Variants in RARB observed in about 807,000 individuals in gnomAD.
RARB encodes HBV-activated protein.
Under a neutral mutation model 51.9 loss-of-function variants are expected in RARB, and 17 were observed. The observed-to-expected ratio is 0.33, with a 90% CI of 0.22 to 0.49. RARB has a LOEUF of 0.49. Ranked by LOEUF, RARB falls within the 20% of genes least tolerant of loss-of-function variation. The pLI is 0.99. For missense variants in RARB, 369 were observed against 550.8 expected (o/e 0.67, Z 3.30); for synonymous variants, 215 against 195.4 (o/e 1.10, Z -0.84).
intron 2 of RARB, among the ~76,000 whole-genome samples, chr3:25,469,648 A>T (rs922509584): frequency 2.6e-4 from 39 of 152,226 alleles, no homozygotes; most frequent in African/African-American, 8.9e-4. Context: ...ATGTTTCCTC[A>T]TTCATTCATC....
At chr3:25,505,740 A>G (rs1014447042) in intron 3 of RARB, among the ~76,000 whole-genome samples, 2 of 152,166 alleles carry the variant, frequency 1.3e-5, no homozygotes, top group Non-Finnish European at 2.9e-5. Context: ...TTGGAGAAGG[A>G]GGCAAAGGAA....
chr3:24,949,352 C>T (rs1287256128), intron 2 of RARB, among the ~76,000 whole-genome samples: 1 of 152,274 alleles, frequency 6.6e-6, no homozygotes, highest in South Asian at 2.1e-4. Context: ...TATAATTACC[C>T]TTCCCCCCTG....
chr3:25,450,036 C>T (rs1245396404), intron 1 of RARB, among the ~76,000 whole-genome samples: 1 of 152,218 alleles, frequency 6.6e-6, no homozygotes, highest in African/African-American at 2.4e-5. Flanking sequence ...CAGGCTTAAG[C>T]CACTGCGCCT....
intron 5 of RARB, among the ~76,000 whole-genome samples, chr3:25,293,715 A>G (rs1440680099): frequency 6.6e-6 from 1 of 151,654 alleles, no homozygotes; most frequent in Non-Finnish European, 1.5e-5. Flanking sequence ...TCGTCTGATT[A>G]AATGGAAATG....
chr3:25,498,586 T>C (rs1697150449), intron 2 of RARB, among the ~76,000 whole-genome samples: 1 of 152,228 alleles, frequency 6.6e-6, no homozygotes. Context: ...TCACACTGAC[T>C]GGGCAATTAG....
chr3:25,564,730 G>C (rs1700420262), intron 3 of RARB, among the ~76,000 whole-genome samples: 1 of 152,186 alleles, frequency 6.6e-6, no homozygotes, highest in South Asian at 2.1e-4. Context: ...GATATTCACA[G>C]ACTTGGAGGG....
rs1400188465 is a variant in RARB at position 25,124,895 on chromosome 3, GCTT to G, written c.-327-7262_-327-7260del. On this transcript the variant is annotated intron_variant, in intron 3 of 11. Transcript: ENST00000383772. ...TTTTACAATAGATTGGTCTTTTCAG[GCTT>G]CTTTTTCAAAACATGTAATTCATTT... Among the ~76,000 whole-genome samples, 5 of 152,070 alleles carry G rather than the reference GCTT, an allele frequency of 3.3e-5. No individual in the cohort carries two copies. The East Asian group carries it at 5.8e-4, about 18-fold the overall frequency.
chr3:24,912,975 CTTTTTTTTT>C (rs386396163), intron 2 of RARB, among the ~76,000 whole-genome samples: 2 of 75,066 alleles, frequency 2.7e-5, no homozygotes, highest in Non-Finnish European at 5.1e-5. Context: ...GGTACTGATT[CTTTTTTTTT>C]TTTTTTTTTT....
intron 3 of RARB, among the ~76,000 whole-genome samples, chr3:25,122,901 A>G (rs970616834): frequency 5.3e-5 from 8 of 152,138 alleles, no homozygotes; most frequent in Non-Finnish European, 1.0e-4. Context: ...AATCCTTTCC[A>G]TCGGGTCTGG....
chr3:25,121,092 T>C (rs1699777089), intron 3 of RARB, among the ~76,000 whole-genome samples: 1 of 151,990 alleles, frequency 6.6e-6, no homozygotes, highest in Non-Finnish European at 1.5e-5. Context: ...GTGTATAAAG[T>C]GGTGGGAAAG....
intron 3 of RARB, among the ~76,000 whole-genome samples, chr3:25,509,237 G>A (rs755550230): frequency 1.4e-4 from 22 of 152,198 alleles, no homozygotes; most frequent in Non-Finnish European, 1.6e-4. Flanking sequence ...CTAACCCATT[G>A]CGTGGAGATT....
intron 2 of RARB, among the ~76,000 whole-genome samples, chr3:25,018,953 A>G (rs1195335412): frequency 6.6e-6 from 1 of 152,190 alleles, no homozygotes; most frequent in Non-Finnish European, 1.5e-5. Context: ...ACTAACCCAA[A>G]ACCTAAGGAC....
intron 2 of RARB, among the ~76,000 whole-genome samples, chr3:24,905,522 C>G (rs1694842694): frequency 6.6e-6 from 1 of 152,152 alleles, no homozygotes; most frequent in Non-Finnish European, 1.5e-5. Flanking sequence ...ACAGTTCTGG[C>G]CAGTGAGACA....
chr3:24,977,443 G>A (rs1227124744), intron 2 of RARB, among the ~76,000 whole-genome samples: 1 of 152,120 alleles, frequency 6.6e-6, no homozygotes, highest in Non-Finnish European at 1.5e-5. Context: ...TCGTTGAGCA[G>A]TGGTTTGTAG....
chr3:25,377,152 A>C (rs56397774), intron 5 of RARB, among the ~76,000 whole-genome samples: 6,217 of 152,232 alleles, frequency 0.041, 137 homozygotes, highest in Middle Eastern at 0.065. Flanking sequence ...ACAAATAGTA[A>C]ATTGTGTTAA....
In RARB at chr3:24,958,254, G is replaced by GGTTTTGTTTT. The variant is rs1321125356; in HGVS notation, c.-380+99507_-380+99508insGTTTTGTTTT. On this transcript the variant is annotated intron_variant, in intron 2 of 11. Transcript: ENST00000383772. ...GACCTGAAGCTTCCTGAGCTGCTCA[G>GGTTTTGTTTT]GTTTTTTTTTTTTTTTTTTTTTTTT... 1.3e-3 allele frequency among the ~76,000 whole-genome samples: 88 copies of GGTTTTGTTTT among 67,396 alleles called. 4 individuals carry two copies. Among genetic ancestry groups the GGTTTTGTTTT allele is most frequent in the Non-Finnish European group, 1.8e-3 (67 of 37,762 alleles). The allele number at this position is 67,396 out of a possible 152,430, so 44.2% of individuals were successfully genotyped here.
At chr3:25,202,162 G>A (rs1368318980) in intron 5 of RARB, among the ~76,000 whole-genome samples, 2 of 152,098 alleles carry the variant, frequency 1.3e-5, no homozygotes, top group Non-Finnish European at 2.9e-5. Flanking sequence ...TTTAGTCTTG[G>A]GAGGGTGTAT....
chr3:25,056,894 C>G (rs919130141), intron 2 of RARB, among the ~76,000 whole-genome samples: 3 of 152,024 alleles, frequency 2.0e-5, no homozygotes, highest in African/African-American at 7.2e-5. Flanking sequence ...ACGAGTGACT[C>G]GCTAAAGTCT....
chr3:25,186,858 A>G (rs1700988361), intron 5 of RARB, among the ~76,000 whole-genome samples: 2 of 148,108 alleles, frequency 1.4e-5, no homozygotes. Flanking sequence ...AACCTTCAGA[A>G]ATGAAGACCC....
Sources: gnomAD v4.1 joint callset for allele counts (sites outside exome capture counted in the v4.1 genomes callset) on GRCh38, gnomAD v4.1.1 for gene constraint, MANE v1.5 for transcripts, NCBI Gene and HGNC (gene_info 2026-07-23, HGNC 2026-07-21) for gene names.